AKAP13: variants seen among roughly 807,000 people sequenced by gnomAD.
AKAP13 encodes the protein A-kinase anchor protein 13.
A neutral mutation model predicts 264.5 loss-of-function variants in AKAP13; 80 were observed. The ratio of observed to expected loss-of-function variants is 0.30; its 90% CI spans 0.25 to 0.36. AKAP13 has a LOEUF of 0.36. AKAP13 is among the 10% of genes least tolerant of loss of function. AKAP13 has a pLI of 1.00. For missense variants in AKAP13, 3,712 were observed against 3,435.2 expected (o/e 1.08, Z -2.01); for synonymous variants, 1,380 against 1,250.2 (o/e 1.10, Z -2.19).
intron 8 of AKAP13, among the ~76,000 whole-genome samples, chr15:85,604,128 G>A (rs948485894): frequency 6.6e-6 from 1 of 152,190 alleles, no homozygotes; most frequent in African/African-American, 2.4e-5. Context: ...CTCTACATAA[G>A]GGGATACAGT....
intron 17 of AKAP13, chr15:85,702,554 T>G (rs1597114526): frequency 6.6e-6 from 1 of 152,336 alleles, no homozygotes; most frequent in East Asian, 1.9e-4. Flanking sequence ...GAAACCTTTG[T>G]GCTCTTAGGA....
chr15:85,644,354 C>T (rs1225297975), intron 9 of AKAP13, among the ~76,000 whole-genome samples: 1 of 151,776 alleles, frequency 6.6e-6, no homozygotes, highest in East Asian at 2.0e-4. Flanking sequence ...GATTCTTCTG[C>T]CTCAGCCTCC....
chr15:85,426,826 T>C (rs1291529117), intron 1 of AKAP13, among the ~76,000 whole-genome samples: 3 of 152,180 alleles, frequency 2.0e-5, no homozygotes, highest in African/African-American at 7.2e-5. Flanking sequence ...TTCATAAACA[T>C]CTCTAAAGAA....
rs1436381541 is a variant in AKAP13 at position 85,744,744 on chromosome 15, G to A, written c.*67G>A. On this transcript the variant is annotated 3_prime_UTR_variant, in exon 37 of 37. Coordinates refer to ENST00000394518, the MANE Select transcript of AKAP13 (RefSeq NM_007200.5). ...CCAGCCCACCTCTCCTGCTGTCCCC[G>A]CGTGCACAAGTCTCTTACACTGGAC... 18 of 1,450,128 alleles carry A rather than the reference G, an allele frequency of 1.2e-5. No individual in the cohort carries two copies. Among genetic ancestry groups the A allele is most frequent in the South Asian group, 4.0e-5 (3 of 75,372 alleles). The allele number at this position is 1,450,128 out of a possible 1,614,324, so 89.8% of individuals were successfully genotyped here. A position where few individuals can be genotyped will look rare whatever the true frequency, so the allele number is the denominator to read the frequency against.
At chr15:85,407,858 G>T (rs1387746897) in intron 1 of AKAP13, among the ~76,000 whole-genome samples, 1 of 151,686 alleles carries the variant, frequency 6.6e-6, no homozygotes, top group East Asian at 1.9e-4. Context: ...GCTTGGCAGA[G>T]GGAGAAGGGA....
chr15:85,503,812 G>A lies in AKAP13; in HGVS notation c.34-17616G>A, dbSNP rs371678903. Among the ~76,000 whole-genome samples, 8 of 152,220 alleles carry A rather than the reference G, an allele frequency of 5.3e-5. No homozygotes were observed. In the East Asian group the frequency reaches 1.2e-3, roughly 22 times the overall value. On this transcript the variant is annotated intron_variant, in intron 2 of 36. Coordinates refer to ENST00000394518, the MANE Select transcript of AKAP13 (RefSeq NM_007200.5). ...GACAGATAAAGGGAGCAGCATGGCC[G>A]AGTAGTGAGACAGGTAGGAAGAGTG...
At chr15:85,480,063 A>G (rs2151042634) in intron 1 of AKAP13, among the ~76,000 whole-genome samples, 1 of 152,362 alleles carries the variant, frequency 6.6e-6, no homozygotes, top group Admixed American at 6.5e-5. Context: ...CTGATTAAAA[A>G]GTAATATCTG....
chr15:85,564,652 C>T (rs898263826), intron 5 of AKAP13, among the ~76,000 whole-genome samples: 18 of 152,162 alleles, frequency 1.2e-4, no homozygotes, highest in African/African-American at 3.9e-4. Flanking sequence ...CCTTTTGAGC[C>T]ATTACTGCCA....
chr15:85,461,971 A>C (rs1361180412), intron 1 of AKAP13, among the ~76,000 whole-genome samples: 2 of 152,232 alleles, frequency 1.3e-5, no homozygotes, highest in Admixed American at 1.3e-4. Context: ...CTTGCATTCC[A>C]GTGTAAATCT....
chr15:85,743,464 T>A, intron 35 of AKAP13, 28 bp from the exon 36 acceptor site: 1 of 1,598,274 alleles, frequency 6.3e-7, no homozygotes, highest in Non-Finnish European at 8.5e-7. Context: ...AGCCTCCAAG[T>A]GAAAACCCTT....
chr15:85,443,128 C>A (rs868705321), intron 1 of AKAP13, among the ~76,000 whole-genome samples: 1 of 151,520 alleles, frequency 6.6e-6, no homozygotes, highest in Admixed American at 6.6e-5. Flanking sequence ...AGATAGTTCT[C>A]CCCCCACCCC....
At chr15:85,438,548 C>G (rs2073445552) in intron 1 of AKAP13, among the ~76,000 whole-genome samples, 1 of 146,692 alleles carries the variant, frequency 6.8e-6, no homozygotes, top group South Asian at 2.2e-4. Flanking sequence ...GGAGGCATCA[C>G]ACTACCTGAC....
At chr15:85,385,107 C>G (rs144561178) in intron 1 of AKAP13, among the ~76,000 whole-genome samples, 105 of 152,330 alleles carry the variant, frequency 6.9e-4, no homozygotes, top group African/African-American at 2.3e-3. Flanking sequence ...TGAGTAGTTA[C>G]AACAGAGACC....
chr15:85,740,781 C>G (rs977145917), intron 34 of AKAP13, among the ~76,000 whole-genome samples: 1 of 125,534 alleles, frequency 8.0e-6, no homozygotes, highest in African/African-American at 3.0e-5. Context: ...AACCACCCCC[C>G]CCCCCACCCC....
At chr15:85,671,385 G>C (rs553742753) in intron 14 of AKAP13, among the ~76,000 whole-genome samples, 102 of 139,756 alleles carry the variant, frequency 7.3e-4, no homozygotes, top group South Asian at 1.1e-3. Flanking sequence ...AGTGAGCTGT[G>C]ATGGCACCAC....
intron 1 of AKAP13, among the ~76,000 whole-genome samples, chr15:85,483,598 A>C (rs112633435): frequency 3.6e-5 from 5 of 137,046 alleles, no homozygotes; most frequent in Non-Finnish European, 7.7e-5. Flanking sequence ...TGCAGTCCGC[A>C]GTCCGGCCTG....
chr15:85,661,792 G>C (rs778364041), intron 12 of AKAP13, among the ~76,000 whole-genome samples: 7 of 151,700 alleles, frequency 4.6e-5, no homozygotes, highest in Non-Finnish European at 7.4e-5. Context: ...TATCTTTAAC[G>C]TAACAGCCTA....
At chr15:85,648,608 C>T (rs1195424822) in intron 10 of AKAP13, among the ~76,000 whole-genome samples, 1 of 151,912 alleles carries the variant, frequency 6.6e-6, no homozygotes, top group East Asian at 1.9e-4. Flanking sequence ...GAGGCTAAGG[C>T]AGGAGGATCA....
intron 12 of AKAP13, among the ~76,000 whole-genome samples, chr15:85,658,933 C>T (rs1212909460): frequency 6.6e-6 from 1 of 152,050 alleles, no homozygotes; most frequent in Non-Finnish European, 1.5e-5. Flanking sequence ...ATTTAATGGA[C>T]CCTGGGGAGT....
Sources: allele counts gnomAD v4.1 joint callset (sites outside exome capture counted in the v4.1 genomes callset), GRCh38; gene constraint gnomAD v4.1.1; transcripts MANE v1.5; gene names NCBI Gene and HGNC (gene_info 2026-07-23, HGNC 2026-07-21).